Variants in ADAMTSL1 observed in about 807,000 individuals in gnomAD.
The protein encoded by ADAMTSL1 is ADAMTS-like protein 1.
ADAMTSL1 carries 126 observed loss-of-function variants against 201.8 expected under a neutral mutation model. The observed-to-expected ratio is 0.62, with a 90% CI of 0.54 to 0.72. ADAMTSL1 has a LOEUF of 0.72. Among genes scored for constraint, ADAMTSL1 ranks in the 30% least tolerant of loss-of-function variants. The pLI, the probability that ADAMTSL1 is intolerant of heterozygous loss-of-function variation, is 0.00. For missense variants in ADAMTSL1, 2,679 were observed against 2,277.8 expected (o/e 1.18, Z -3.59); for synonymous variants, 1,121 against 903.4 (o/e 1.24, Z -4.32).
chr9:18,531,616 C>G (rs1290931214), intron 2 of ADAMTSL1, among the ~76,000 whole-genome samples: 1 of 152,122 alleles, frequency 6.6e-6, no homozygotes, highest in Non-Finnish European at 1.5e-5. Flanking sequence ...ATTGTGTTGT[C>G]AGATGACATT....
At chr9:18,556,922 T>C (rs986041286) in intron 3 of ADAMTSL1, among the ~76,000 whole-genome samples, 7 of 152,044 alleles carry the variant, frequency 4.6e-5, no homozygotes, top group Non-Finnish European at 1.5e-5. Flanking sequence ...GTGATGAAGC[T>C]TTTTGAGACC....
intron 2 of ADAMTSL1, among the ~76,000 whole-genome samples, chr9:18,200,258 A>G (rs1393499998): frequency 6.6e-6 from 1 of 151,922 alleles, no homozygotes; most frequent in African/African-American, 2.4e-5. Flanking sequence ...AAATAGCGAG[A>G]CACTATCTCT....
At chr9:18,098,082 C>T (rs561703482) in intron 1 of ADAMTSL1, among the ~76,000 whole-genome samples, 32 of 151,924 alleles carry the variant, frequency 2.1e-4, no homozygotes, top group African/African-American at 6.7e-4. Context: ...TTATTGAAAA[C>T]GTGATCCAAT....
chr9:18,786,192 G>A (rs1821698518), intron 19 of ADAMTSL1, among the ~76,000 whole-genome samples: 1 of 152,192 alleles, frequency 6.6e-6, no homozygotes, highest in African/African-American at 2.4e-5. Flanking sequence ...TACTAACATG[G>A]AATCCTAGGG....
intron 23 of ADAMTSL1, among the ~76,000 whole-genome samples, chr9:18,859,970 T>C (rs928754576): frequency 5.3e-5 from 8 of 152,178 alleles, no homozygotes; most frequent in African/African-American, 1.9e-4. Context: ...CTTACATTCA[T>C]TGACAAGAAA....
chr9:18,161,415 G>T (rs1827382893), intron 1 of ADAMTSL1, among the ~76,000 whole-genome samples: 2 of 152,024 alleles, frequency 1.3e-5, no homozygotes, highest in African/African-American at 4.8e-5. Flanking sequence ...ATAACTAAAG[G>T]TGATCACCAT....
chr9:18,096,047 T>C (rs1824239387), intron 1 of ADAMTSL1, among the ~76,000 whole-genome samples: 2 of 152,220 alleles, frequency 1.3e-5, no homozygotes, highest in African/African-American at 2.4e-5. Flanking sequence ...GATAATCGCA[T>C]CAGACTTCCC....
At chr9:18,827,342 C>T (rs189204879) in intron 22 of ADAMTSL1, among the ~76,000 whole-genome samples, 1 of 152,082 alleles carries the variant, frequency 6.6e-6, no homozygotes. Context: ...TTACAGACTT[C>T]CTCAGGGAAA....
intron 2 of ADAMTSL1, among the ~76,000 whole-genome samples, chr9:18,187,142 C>G (rs1347012806): frequency 6.6e-6 from 1 of 152,040 alleles, no homozygotes; most frequent in Admixed American, 6.6e-5. Flanking sequence ...TGATGCAGCC[C>G]CTCAGTCATG....
At chr9:18,708,488 A>G (rs1832355411) in intron 14 of ADAMTSL1, among the ~76,000 whole-genome samples, 1 of 152,124 alleles carries the variant, frequency 6.6e-6, no homozygotes, top group Non-Finnish European at 1.5e-5. Context: ...GGGACTCTTC[A>G]CTCATTTTGA....
At chr9:18,570,213 T>G (rs533786519) in intron 3 of ADAMTSL1, among the ~76,000 whole-genome samples, 1 of 145,932 alleles carries the variant, frequency 6.9e-6, no homozygotes, top group South Asian at 2.2e-4. Flanking sequence ...GAGACCCCAT[T>G]CGCCACAAAA....
intron 3 of ADAMTSL1, among the ~76,000 whole-genome samples, chr9:18,538,594 T>A (rs1819939882): frequency 6.6e-6 from 1 of 151,978 alleles, no homozygotes. Context: ...TAGCAAGGGA[T>A]AAAGTAGAGT....
At chr9:18,842,308 TC>T (rs1409446266) in intron 23 of ADAMTSL1, among the ~76,000 whole-genome samples, 1 of 152,178 alleles carries the variant, frequency 6.6e-6, no homozygotes, top group African/African-American at 2.4e-5. Flanking sequence ...CAGTAGTCAT[TC>T]AGGAGCAGGT....
chr9:18,493,691 A>T (rs576961473), intron 1 of ADAMTSL1, among the ~76,000 whole-genome samples: 2 of 152,280 alleles, frequency 1.3e-5, no homozygotes, highest in African/African-American at 4.8e-5. Flanking sequence ...CATGATTCAG[A>T]TTCATTTTTG....
At chr9:18,221,435 A>G (rs1260892561) in intron 2 of ADAMTSL1, among the ~76,000 whole-genome samples, 1 of 152,112 alleles carries the variant, frequency 6.6e-6, no homozygotes, top group Non-Finnish European at 1.5e-5. Flanking sequence ...TGTGTGTTGA[A>G]ACATCTTATT....
At chr9:17,991,775 C>G (rs549076500) in intron 1 of ADAMTSL1, among the ~76,000 whole-genome samples, 1 of 152,114 alleles carries the variant, frequency 6.6e-6, no homozygotes, top group Non-Finnish European at 1.5e-5. Flanking sequence ...CACGTGCATC[C>G]TTAACTTTCA....
intron 2 of ADAMTSL1, among the ~76,000 whole-genome samples, chr9:18,288,333 GAGA>G (rs746474535): frequency 6.6e-6 from 1 of 152,178 alleles, no homozygotes; most frequent in Non-Finnish European, 1.5e-5. Context: ...AAATCCTCTG[GAGA>G]AGGTTTATGT....
intron 1 of ADAMTSL1, among the ~76,000 whole-genome samples, chr9:18,476,136 A>G (rs1821438556): frequency 6.6e-6 from 1 of 152,182 alleles, no homozygotes. Flanking sequence ...ATGCTACAAA[A>G]GGAAGAACTG....
intron 1 of ADAMTSL1, among the ~76,000 whole-genome samples, chr9:18,082,146 A>AT (rs991345423): frequency 3.3e-5 from 5 of 152,156 alleles, no homozygotes; most frequent in Non-Finnish European, 7.4e-5. Context: ...TTGTATTCAC[A>AT]TTTTTTTGGA....
Sources: gnomAD v4.1 joint callset for allele counts (sites outside exome capture counted in the v4.1 genomes callset) on GRCh38, gnomAD v4.1.1 for gene constraint, MANE v1.5 for transcripts, NCBI Gene and HGNC (gene_info 2026-07-23, HGNC 2026-07-21) for gene names.